Variants in DHTKD1 observed in about 807,000 individuals in gnomAD.
The protein encoded by DHTKD1 is dehydrogenase E1 and transketolase domain containing 1.
Under a neutral mutation model 101.8 loss-of-function variants are expected in DHTKD1, and 78 were observed. That is an observed-to-expected ratio of 0.77 (90% CI 0.64 to 0.93). The LOEUF (loss-of-function observed/expected upper bound fraction) is 0.93, where lower values mean the gene tolerates loss of function less well. Ranked by LOEUF, DHTKD1 falls within the 40% of genes least tolerant of loss-of-function variation. DHTKD1 has a pLI of 0.00. For missense variants in DHTKD1, 1,223 were observed against 1,161.7 expected (o/e 1.05, Z -0.77); for synonymous variants, 462 against 450.3 (o/e 1.03, Z -0.33).
rs1250155735 is a variant in DHTKD1, at chr10:12,122,823, A to G, written c.*1935A>G. 1 of 152,160 alleles carries G rather than the reference A, an allele frequency of 6.6e-6. No homozygotes were observed. 9.4% of individuals were successfully genotyped at this position (152,160 alleles called of 1,614,324 possible). ...ACCTGACTCAGTGCTGGGGGCCTCT[A>G]CCATCTACTGTGCTTGTGTCATGAT... On this transcript the variant is annotated 3_prime_UTR_variant, in exon 17 of 17. Transcript: ENST00000263035.
Position 12,120,222 on chromosome 10 carries a change from G to C in DHTKD1, c.2613G>C (p.Pro871=), listed in dbSNP as rs139445220. The stretch of plus-strand genomic sequence containing the variant: ...AGGAGGAACCTCAGAACATGGGTCC[G>C]TGGTCGTTTGTTTCTCCAAGGTTTG... ...WSQEEPQNMG[P]WSFVSPRFEK... The change falls in exon 16 of 17, where the codon CCG becomes CCC. Residue 871 remains proline, a synonymous_variant. Transcript: ENST00000263035. 1.2e-6 allele frequency: 2 copies of C among 1,613,986 alleles called. No homozygotes were observed. Among genetic ancestry groups the C allele is most frequent in the Non-Finnish European group, 1.7e-6 (2 of 1,179,920 alleles).
At chr10:12,094,394 T>C (rs1833037160) in intron 7 of DHTKD1, 123 bp downstream of exon 7, 1 of 839,360 alleles carries the variant, frequency 1.2e-6, no homozygotes, top group Non-Finnish European at 1.9e-6. Context: ...CTTGGCTCAC[T>C]GCCATCTCCA....
In DHTKD1 at chr10:12,069,281, G is replaced by C. The variant is rs1832613838; in HGVS notation, c.154+94G>C. 2.5e-6 allele frequency: 3 copies of C among 1,204,210 alleles called. No individual in the cohort carries two copies. The East Asian group carries it at 8.5e-5, about 34-fold the overall frequency. The allele number at this position is 1,204,210 out of a possible 1,614,324, so 74.6% of individuals were successfully genotyped here. A position where few individuals can be genotyped will look rare whatever the true frequency, so the allele number is the denominator to read the frequency against. On this transcript the variant is annotated intron_variant, in intron 1 of 16. Transcript: ENST00000263035. Reference sequence around the variant, plus strand: ...GTGGGGTGTCGGGGTCGGGGAACCGGCTGCCGGCCTGAACGCGCGGCCGGT... The same window carrying C: ...GTGGGGTGTCGGGGTCGGGGAACCGCCTGCCGGCCTGAACGCGCGGCCGGT...
chr10:12,091,640 C>A lies in DHTKD1; in HGVS notation c.1115C>A (p.Thr372Asn). The A allele has an allele frequency of 6.2e-7, 1 of 1,613,832 alleles. No individual in the cohort carries two copies. The highest frequency in any genetic ancestry group is 8.5e-7 in the Non-Finnish European group (1 of 1,179,956). The change falls in exon 6 of 17, where the codon ACT (threonine) becomes AAT (asparagine). Residue 372 changes from threonine to asparagine, a missense_variant. Coordinates refer to ENST00000263035, the MANE Select transcript of DHTKD1 (RefSeq NM_018706.7). The part of the protein sequence containing the change: ...LIVNNQLGYT[T>N]PAERGRSSLY... The stretch of plus-strand genomic sequence containing the variant: ...GTTAATAACCAGCTGGGTTACACCA[C>A]TCCAGCTGAAAGAGGAAGGTCTTCT...
chr10:12,070,565 T>G (rs749326885), intron 1 of DHTKD1, among the ~76,000 whole-genome samples: 6 of 152,240 alleles, frequency 3.9e-5, no homozygotes, highest in Non-Finnish European at 2.9e-5. Flanking sequence ...CTTGGCTCAC[T>G]GCAACCTCTG....
Position 12,112,925 on chromosome 10 carries a change from T to C in DHTKD1, c.2180T>C (p.Val727Ala). ...LQMCDSAEEG[V>A]DGDTVNMFVV... ...ATGTGTGACAGTGCGGAAGAGGGGG[T>C]GGACGGAGACACTGTGAACATGTTT... Residue 727 changes from valine (V) to alanine (A), a missense_variant, in exon 13 of 17, where the codon GTG (valine) becomes GCG (alanine). Coordinates refer to ENST00000263035, the MANE Select transcript of DHTKD1 (RefSeq NM_018706.7). 6.2e-7 allele frequency: 1 copy of C among 1,609,808 alleles called. No individual in the cohort carries two copies. Among genetic ancestry groups the C allele is most frequent in the Non-Finnish European group, 8.5e-7 (1 of 1,178,238 alleles).
intron 1 of DHTKD1, among the ~76,000 whole-genome samples, chr10:12,075,110 CA>C (rs1024281325): frequency 4.6e-5 from 7 of 151,784 alleles, no homozygotes; most frequent in African/African-American, 1.7e-4. Context: ...GACTTTGTCT[CA>C]AAAAAAGAAA....
At chr10:12,120,376 C>T (rs1414206947) in intron 16 of DHTKD1, 109 bp downstream of exon 16, 6 of 963,988 alleles carry the variant, frequency 6.2e-6, no homozygotes, top group Non-Finnish European at 9.4e-6. Flanking sequence ...CTCTGTTGCC[C>T]AGGCTGGAGT....
At position 12,088,987 on chromosome 10, in the gene DHTKD1, T is replaced by C. The variant is rs754612294; in HGVS notation, c.719T>C (p.Leu240Pro). 3.7e-6 allele frequency: 6 copies of C among 1,612,942 alleles called. No homozygotes were observed. Among genetic ancestry groups the C allele is most frequent in the Non-Finnish European group, 5.1e-6 (6 of 1,179,134 alleles). ...TCCTTTTGAATGTATCCACAATAGC[T>C]GATGTTCCGTAAAATGCGAGGCTTA... ...LTGLLQFPPELMFRKMRGLSE... is the reference protein window; with the variant it reads ...LTGLLQFPPEPMFRKMRGLSE... The change falls in exon 5 of 17, where the codon CTG becomes CCG. Residue 240 changes from leucine (L) to proline (P), a missense_variant and splice_region_variant. Leu to Pro is a moderately conservative substitution (Grantham distance 98). Transcript: ENST00000263035.
intron 1 of DHTKD1, among the ~76,000 whole-genome samples, chr10:12,076,849 G>T (rs989178727): frequency 6.6e-6 from 1 of 151,474 alleles, no homozygotes. Context: ...TAGTAGAGAC[G>T]GTTTCACCGT....
Position 12,091,518 on chromosome 10 carries a change from T to C in DHTKD1, c.993T>C (p.His331=), listed in dbSNP as rs749206401. The change falls in exon 6 of 17, where the codon CAT becomes CAC. Residue 331 remains histidine, a synonymous_variant. Transcript: ENST00000263035. ...PGDRVICLQV[H]GDASFCGQGI... is the part of the protein sequence containing the mutation. ...CCCCTTGCCTCATGATTTAGGTCCA[T>C]GGTGATGCTTCTTTCTGTGGTCAAG... is the stretch of plus-strand genomic sequence containing the variant. 2 of 1,598,024 alleles carry C rather than the reference T, an allele frequency of 1.3e-6. No individual in the cohort carries two copies. The highest frequency in any genetic ancestry group is 2.3e-5 in the East Asian group (1 of 43,858).
chr10:12,118,982 A>G, intron 15 of DHTKD1, 64 bp downstream of exon 15: 1 of 1,400,832 alleles, frequency 7.1e-7, no homozygotes, highest in Non-Finnish European at 9.5e-7. Flanking sequence ...CAGCTCTTTT[A>G]AATGAAAAGA....
chr10:12,069,190 C>G lies in DHTKD1; in HGVS notation c.154+3C>G. On this transcript the variant is annotated splice_donor_region_variant and intron_variant, in intron 1 of 16. Transcript: ENST00000263035. ...GGGCGCCCTGGAGCGCCCCCCAGGTCGGGGATGGGGCCCGGGCGGTGGGAG... is the reference window on the plus strand; with the variant it reads ...GGGCGCCCTGGAGCGCCCCCCAGGTGGGGGATGGGGCCCGGGCGGTGGGAG... 6.6e-7 allele frequency: 1 copy of G among 1,524,858 alleles called. No individual in the cohort carries two copies. The highest frequency in any genetic ancestry group is 8.8e-7 in the Non-Finnish European group (1 of 1,133,686). 94.5% of individuals were successfully genotyped at this position (1,524,858 alleles called of 1,614,324 possible).
chr10:12,082,332 C>T (rs996595703), intron 2 of DHTKD1, among the ~76,000 whole-genome samples: 4 of 152,090 alleles, frequency 2.6e-5, no homozygotes, highest in Non-Finnish European at 4.4e-5. Context: ...AGCTGATACC[C>T]GCCTCATTCT....
chr10:12,117,567 G>A (rs12221463), intron 13 of DHTKD1, 106 bp from the exon 14 acceptor site: 11,529 of 736,378 alleles, frequency 0.016, 240 homozygotes, highest in East Asian at 0.09. Flanking sequence ...TCTCCTTGCA[G>A]TGCTAGGCTA....
rs200672046 is a variant in DHTKD1 at position 12,097,961 on chromosome 10, C to T, written c.1636C>T (p.Gln546Ter). ...GTCTGTAGAGGTGCCAAGAGAGCTG[C>T]AGATGCACAGTCACCTGCTGAAGAC... ...MKSVEVPREL[Q>*]MHSHLLKTHV... The change falls in exon 8 of 17, where the codon CAG (glutamine) becomes TAG (stop). Residue 546 changes from glutamine to a stop codon, truncating the protein, a stop_gained. Coordinates refer to ENST00000263035, the MANE Select transcript of DHTKD1 (RefSeq NM_018706.7). LOFTEE classifies it high-confidence loss of function. 1 of 1,613,062 alleles carries T rather than the reference C, an allele frequency of 6.2e-7. No homozygotes were observed. The highest frequency in any genetic ancestry group is 1.3e-5 in the African/African-American group (1 of 75,050).
rs566890832 is a variant in DHTKD1, at chr10:12,121,135, G to C, written c.*247G>C. 2.6e-6 allele frequency: 1 copy of C among 379,358 alleles called. No individual in the cohort carries two copies. Among genetic ancestry groups the C allele is most frequent in the Admixed American group, 3.7e-5 (1 of 26,692 alleles). 23.5% of individuals were successfully genotyped at this position (379,358 alleles called of 1,614,324 possible). A position where few individuals can be genotyped will look rare whatever the true frequency, so the allele number is the denominator to read the frequency against. ...CCTGGGAGGCTGAGGCAAGAGAATCGCTTGAATCTGGGAGGCGGAGGTTGC... is the reference window on the plus strand; with the variant it reads ...CCTGGGAGGCTGAGGCAAGAGAATCCCTTGAATCTGGGAGGCGGAGGTTGC... On this transcript the variant is annotated 3_prime_UTR_variant, in exon 17 of 17. Transcript: ENST00000263035.
intron 2 of DHTKD1, among the ~76,000 whole-genome samples, chr10:12,082,114 G>A (rs1832829595): frequency 6.6e-6 from 1 of 152,060 alleles, no homozygotes; most frequent in Non-Finnish European, 1.5e-5. Context: ...GCAACAGAGT[G>A]AGACCCTGTC....
chr10:12,093,754 A>G (rs1389856981), intron 6 of DHTKD1, among the ~76,000 whole-genome samples: 1 of 152,208 alleles, frequency 6.6e-6, no homozygotes, highest in Non-Finnish European at 1.5e-5. Context: ...AATAAATATT[A>G]ACTACTATGT....
Sources: allele counts gnomAD v4.1 joint callset (sites outside exome capture counted in the v4.1 genomes callset), GRCh38; gene constraint gnomAD v4.1.1; transcripts MANE v1.5; gene names NCBI Gene and HGNC (gene_info 2026-07-23, HGNC 2026-07-21).